The following FER1L5 variants were observed in gnomAD, a reference collection of about 807,000 sequenced individuals.
FER1L5 encodes the protein fer-1-like protein 5.
FER1L5 carries 187 observed loss-of-function variants against 279.9 expected under a neutral mutation model. The ratio of observed to expected loss-of-function variants is 0.67; its 90% CI spans 0.59 to 0.75. FER1L5 has a LOEUF of 0.75. FER1L5 is among the 30% of genes least tolerant of loss of function. The pLI, the probability that FER1L5 is intolerant of heterozygous loss-of-function variation, is 0.00. For synonymous variants in FER1L5, 921 were observed against 989.7 expected (o/e 0.93, Z 1.30); for missense variants, 2,091 against 2,594.4 (o/e 0.81, Z 4.21).
chr2:96,699,586 G>C lies in FER1L5; in HGVS notation c.4647G>C (p.Lys1549Asn). The change falls in exon 43 of 53, where the codon AAG (lysine) becomes AAC (asparagine). Residue 1549 changes from lysine (K) to asparagine (N), a missense_variant. Lys to Asn is a moderately conservative substitution (Grantham distance 94, BLOSUM62 0). Coordinates refer to ENST00000624922, the MANE Select transcript of FER1L5 (RefSeq NM_001293083.2). ...TCACCTGCAACATACCCCTGGAGAAGGACCTAGAGATCCAGCTCTATGACT... is the reference window on the plus strand; with the variant it reads ...TCACCTGCAACATACCCCTGGAGAACGACCTAGAGATCCAGCTCTATGACT... The part of the protein sequence containing the change: ...FELTCNIPLE[K>N]DLEIQLYDFD... 6.2e-7 allele frequency: 1 copy of C among 1,613,972 alleles called. No homozygotes were observed. Among genetic ancestry groups the C allele is most frequent in the Non-Finnish European group, 8.5e-7 (1 of 1,179,896 alleles).
chr2:96,684,225 A>G, intron 19 of FER1L5, 102 bp from the exon 20 acceptor site: 2 of 1,419,846 alleles, frequency 1.4e-6, no homozygotes, highest in Non-Finnish European at 9.4e-7. Flanking sequence ...CACATCTTTG[A>G]GGGTGCAGTG....
Position 96,695,575 on chromosome 2 carries a change from G to T in FER1L5, c.3808G>T (p.Glu1270Ter). The T allele has an allele frequency of 6.3e-7, 1 of 1,595,448 alleles. No homozygotes were observed. The highest frequency in any genetic ancestry group is 8.5e-7 in the Non-Finnish European group (1 of 1,171,404). Residue 1270 changes from glutamate to a stop codon, truncating the protein, a stop_gained, in exon 35 of 53, where the codon GAA becomes TAA. Coordinates refer to ENST00000624922, the MANE Select transcript of FER1L5 (RefSeq NM_001293083.2). LOFTEE classifies it high-confidence loss of function. ...SSPQLLVEFG[E>*]ESLRTEPIRD... Reference sequence around the variant, plus strand: ...CCCCCAGCTCCTGGTGGAATTCGGGGAAGAGTCCCTGAGGACAGAACCCAT... The same window carrying T: ...CCCCCAGCTCCTGGTGGAATTCGGGTAAGAGTCCCTGAGGACAGAACCCAT...
chr2:96,679,413 G>A (rs1573893473), intron 19 of FER1L5, among the ~76,000 whole-genome samples: 1 of 152,044 alleles, frequency 6.6e-6, no homozygotes, highest in South Asian at 2.1e-4. Context: ...TAGTAGAGAC[G>A]GGGTTTCACC....
At position 96,656,089 on chromosome 2, in the gene FER1L5, A is replaced by T. The variant is rs539643639; in HGVS notation, c.747+1593A>T. Among the ~76,000 whole-genome samples the T allele has an allele frequency of 1.3e-4, 20 of 152,198 alleles. No individual in the cohort carries two copies. In the South Asian group the frequency reaches 4.2e-3, roughly 32 times the overall value. On this transcript the variant is annotated intron_variant, in intron 9 of 52. Coordinates refer to ENST00000624922, the MANE Select transcript of FER1L5 (RefSeq NM_001293083.2). ...TCATCACTCATCTTCATCAATTCAC[A>T]GTCAATTGTGTTTTACCTACACCTA...
chr2:96,686,706 A>C (rs1180742344), intron 23 of FER1L5, among the ~76,000 whole-genome samples: 1 of 151,940 alleles, frequency 6.6e-6, no homozygotes, highest in African/African-American at 2.4e-5. Context: ...AAATACAAAA[A>C]AATTAGCTGG....
At chr2:96,693,472 C>CA in intron 31 of FER1L5, 34 bp from the exon 32 acceptor site, 1 of 1,531,696 alleles carries the variant, frequency 6.5e-7, no homozygotes, top group Non-Finnish European at 8.8e-7. Flanking sequence ...CTTCCCAGCT[C>CA]AAGACACTGC....
chr2:96,654,678 T>A (rs1295751677), intron 9 of FER1L5, 182 bp downstream of exon 9: 1 of 345,570 alleles, frequency 2.9e-6, no homozygotes, highest in African/African-American at 2.1e-5. Flanking sequence ...GGCCGGTGGA[T>A]CACGAGGTCA....
chr2:96,694,086 G>A lies in FER1L5; in HGVS notation c.3636+14G>A. On this transcript the variant is annotated intron_variant, in intron 33 of 52. Transcript: ENST00000624922. The surrounding 1 kb of genome is among the most constrained non-coding windows in gnomAD (Gnocchi z 4.6). ...CTCCAGACTGAGGTATTGGGAGAGA[G>A]GGCCTGGCTGGGAAGTGTGGCACTC... 9 of 1,535,074 alleles carry A rather than the reference G, an allele frequency of 5.9e-6. No homozygotes were observed. Among genetic ancestry groups the A allele is most frequent in the Non-Finnish European group, 7.9e-6 (9 of 1,145,074 alleles).
At position 96,642,780 on chromosome 2, in the gene FER1L5, C is replaced by G. The variant is rs2074938442; in HGVS notation, c.-57C>G. 5 of 1,521,744 alleles carry G rather than the reference C, an allele frequency of 3.3e-6. No homozygotes were observed. Among genetic ancestry groups the G allele is most frequent in the Non-Finnish European group, 4.4e-6 (5 of 1,126,888 alleles). The allele number at this position is 1,521,744 out of a possible 1,614,324, so 94.3% of individuals were successfully genotyped here. ...GGGAAAAGTCTTGGACTGAGGAGCT[C>G]CAAAAAGGAAGCTGTGGCGCTGCGT... On this transcript the variant is annotated 5_prime_UTR_variant, in exon 1 of 53. Transcript: ENST00000624922.
At chr2:96,687,648 C>T in intron 23 of FER1L5, 168 bp from the exon 24 acceptor site, 1 of 1,078,622 alleles carries the variant, frequency 9.3e-7, no homozygotes. Flanking sequence ...CTCTGGAGGG[C>T]AGAACAGAAC....
intron 42 of FER1L5, 93 bp downstream of exon 42, chr2:96,699,229 G>C: frequency 7.6e-7 from 1 of 1,313,394 alleles, no homozygotes; most frequent in Non-Finnish European, 1.1e-6. Flanking sequence ...TGGCACTCCT[G>C]TCCAGCCTCC....
chr2:96,694,546 C>T lies in FER1L5; in HGVS notation c.3741+82C>T. On this transcript the variant is annotated intron_variant, in intron 34 of 52. Coordinates refer to ENST00000624922, the MANE Select transcript of FER1L5 (RefSeq NM_001293083.2). This position sits in a 1 kb window ranked among gnomAD's most constrained non-coding sequence, Gnocchi z 4.6. ...GCGCTGCAGCCTTCTGCTGGTCCTC[C>T]CTGACTACTGGATCCAAAGCTCACA... The T allele has an allele frequency of 8.8e-7, 1 of 1,133,646 alleles. No individual in the cohort carries two copies. Among genetic ancestry groups the T allele is most frequent in the Non-Finnish European group, 1.2e-6 (1 of 829,258 alleles). The allele number at this position is 1,133,646 out of a possible 1,614,324, so 70.2% of individuals were successfully genotyped here.
Position 96,673,166 on chromosome 2 carries a change from G to A in FER1L5, c.1581G>A (p.Glu527=). Reference sequence around the variant, plus strand: ...ACTTTAAAGAGCTGATCCATTTCGAGGTCAGCATCGGTCACTATGGGAACA... The same window carrying A: ...ACTTTAAAGAGCTGATCCATTTCGAAGTCAGCATCGGTCACTATGGGAACA... ...MPNFKELIHF[E]VSIGHYGNKM... The change falls in exon 19 of 53, where the codon GAG becomes GAA. Residue 527 remains glutamate, a synonymous_variant. Coordinates refer to ENST00000624922, the MANE Select transcript of FER1L5 (RefSeq NM_001293083.2). 6.4e-7 allele frequency: 1 copy of A among 1,551,500 alleles called. No homozygotes were observed. The highest frequency in any genetic ancestry group is 8.7e-7 in the Non-Finnish European group (1 of 1,146,952).
At chr2:96,687,695 A>G in intron 23 of FER1L5, 121 bp from the exon 24 acceptor site, 1 of 1,422,676 alleles carries the variant, frequency 7.0e-7, no homozygotes, top group Admixed American at 2.2e-5. Flanking sequence ...CACTCAGCTC[A>G]GTGAGGGCCC....
chr2:96,691,363 C>G lies in FER1L5; in HGVS notation c.2907+10C>G, dbSNP rs891163609. 2 of 1,546,402 alleles carry G rather than the reference C, an allele frequency of 1.3e-6. No individual in the cohort carries two copies. Among genetic ancestry groups the G allele is most frequent in the Non-Finnish European group, 8.7e-7 (1 of 1,143,890 alleles). On this transcript the variant is annotated intron_variant, in intron 28 of 52. Coordinates refer to ENST00000624922, the MANE Select transcript of FER1L5 (RefSeq NM_001293083.2). The surrounding 1 kb of genome is among the most constrained non-coding windows in gnomAD (Gnocchi z 6.0). ...CTCCTTCCTGCAGCTGGTGAGGGGT[C>G]GACGGGCGCCCTGGCTGGGACTGCG...
intron 18 of FER1L5, among the ~76,000 whole-genome samples, chr2:96,671,421 G>A (rs1004643942): frequency 6.6e-5 from 10 of 152,224 alleles, no homozygotes; most frequent in South Asian, 4.1e-4. Flanking sequence ...CCAACAGAAC[G>A]TAAGTGAGGC....
At position 96,644,479 on chromosome 2, in the gene FER1L5, C is replaced by CAGAA. The variant is rs914291456; in HGVS notation, c.85+1570_85+1573dup. ...CCTGGGCGAAAAAGCAAGAGTCTGT[C>CAGAA]AGAAAGAAAGAAAGAGAGAAAGAGA... On this transcript the variant is annotated intron_variant, in intron 1 of 52. Coordinates refer to ENST00000624922, the MANE Select transcript of FER1L5 (RefSeq NM_001293083.2). Among the ~76,000 whole-genome samples, 6 of 149,540 alleles carry CAGAA rather than the reference C, an allele frequency of 4.0e-5. No homozygotes were observed. In the East Asian group the frequency reaches 9.8e-4, roughly 24 times the overall value.
Position 96,689,884 on chromosome 2 carries a change from G to T in FER1L5, c.2640+126G>T. ...TGCCCTGCACTATGTGTGGGGCCCC[G>T]GGTGAGCGCACCAGCCCTCAGGCAC... On this transcript the variant is annotated intron_variant, in intron 26 of 52. Coordinates refer to ENST00000624922, the MANE Select transcript of FER1L5 (RefSeq NM_001293083.2). This position sits in a 1 kb window ranked among gnomAD's most constrained non-coding sequence, Gnocchi z 4.6. 2 of 703,826 alleles carry T rather than the reference G, an allele frequency of 2.8e-6. No individual in the cohort carries two copies. Among genetic ancestry groups the T allele is most frequent in the Non-Finnish European group, 2.4e-6 (1 of 423,716 alleles). The allele number at this position is 703,826 out of a possible 1,614,324, so 43.6% of individuals were successfully genotyped here. A position where few individuals can be genotyped will look rare whatever the true frequency, so the allele number is the denominator to read the frequency against.
At chr2:96,688,781 G>C (rs920166125) in intron 24 of FER1L5, among the ~76,000 whole-genome samples, 7 of 151,872 alleles carry the variant, frequency 4.6e-5, no homozygotes, top group Non-Finnish European at 7.4e-5. Context: ...TGGTGCCTTT[G>C]ATGCCAGCTC....
Sources: gnomAD v4.1 joint callset for allele counts (sites outside exome capture counted in the v4.1 genomes callset) on GRCh38, gnomAD v4.1.1 for gene constraint, Gnocchi (gnomAD v3.1) non-coding constraint, MANE v1.5 for transcripts, NCBI Gene and HGNC (gene_info 2026-07-23, HGNC 2026-07-21) for gene names.